The following LHPP variants were observed in gnomAD, a reference collection of about 807,000 sequenced individuals.
LHPP encodes the protein phospholysine phosphohistidine inorganic pyrophosphate phosphatase, also known as hLHPP.
LHPP carries 24 observed loss-of-function variants against 30.3 expected under a neutral mutation model. That is an observed-to-expected ratio of 0.79 (90% CI 0.57 to 1.11). The LOEUF (loss-of-function observed/expected upper bound fraction) is 1.11, where lower values mean the gene tolerates loss of function less well. Ranked by LOEUF, LHPP falls within the 50% of genes most tolerant of loss-of-function variation. The probability of loss-of-function intolerance (pLI) is 0.00; values close to 1 mark genes in which losing one functional copy is unlikely to be tolerated. For missense variants in LHPP, 356 were observed against 367.2 expected, an observed-to-expected ratio of 0.97 and a Z score of 0.25; for synonymous variants, 150 against 157.1, an observed-to-expected ratio of 0.95 and a Z score of 0.34.
At chr10:124,536,819 G>A (rs1955040227) in intron 6 of LHPP, among the ~76,000 whole-genome samples, 1 of 152,178 alleles carries the variant, frequency 6.6e-6, no homozygotes, top group Non-Finnish European at 1.5e-5. Flanking sequence ...ACAGATCGGG[G>A]AGGATTGGCT....
rs997471589 is a variant in LHPP at position 124,596,986 on chromosome 10, G to A, written c.717-16278G>A. On this transcript the variant is annotated intron_variant, in intron 6 of 6. Coordinates refer to ENST00000368842, the MANE Select transcript of LHPP (RefSeq NM_022126.4). This position sits in a 1 kb window ranked among gnomAD's most constrained non-coding sequence, Gnocchi z 4.6. Reference sequence around the variant, plus strand: ...CATCTCATCGGCTGTCCTTGTGGCTGGAACAAAGCAGATGGAGGAAGGTGG... The same window carrying A: ...CATCTCATCGGCTGTCCTTGTGGCTAGAACAAAGCAGATGGAGGAAGGTGG... 6.6e-6 allele frequency among the ~76,000 whole-genome samples: 1 copy of A among 152,224 alleles called. No homozygotes were observed. The highest frequency in any genetic ancestry group is 2.4e-5 in the African/African-American group (1 of 41,460).
At chr10:124,493,394 G>T (rs1228657600) in intron 3 of LHPP, among the ~76,000 whole-genome samples, 1 of 152,322 alleles carries the variant, frequency 6.6e-6, no homozygotes, top group South Asian at 2.1e-4. Flanking sequence ...GGACACAGGG[G>T]CACAGGCTGA....
intron 6 of LHPP, among the ~76,000 whole-genome samples, chr10:124,527,920 C>G (rs11599890): frequency 0.12 from 17,735 of 152,054 alleles, 1,427 homozygotes; most frequent in Non-Finnish European, 0.16. Flanking sequence ...AGCTGGGAAA[C>G]AGGTTTATGC....
intron 1 of LHPP, among the ~76,000 whole-genome samples, chr10:124,474,408 G>A (rs1952880328): frequency 6.6e-6 from 1 of 151,976 alleles, no homozygotes; most frequent in South Asian, 2.1e-4. Context: ...CCAAAGTGTT[G>A]GGATTACAAG....
chr10:124,521,367 C>T (rs374305187), intron 6 of LHPP, among the ~76,000 whole-genome samples: 3 of 152,372 alleles, frequency 2.0e-5, no homozygotes, highest in East Asian at 3.9e-4. Context: ...CACCTCAGCA[C>T]GGCCCCATTC....
intron 3 of LHPP, chr10:124,493,977 A>G (rs1953621147): frequency 6.6e-6 from 1 of 152,234 alleles, no homozygotes; most frequent in Non-Finnish European, 1.5e-5. Context: ...AATTCTGGGC[A>G]CTATAAAATC....
At chr10:124,489,514 G>A (rs903081556) in intron 3 of LHPP, among the ~76,000 whole-genome samples, 1 of 152,120 alleles carries the variant, frequency 6.6e-6, no homozygotes, top group African/African-American at 2.4e-5. Context: ...GAGTGCAGCG[G>A]CGTGATCTCG....
chr10:124,519,064 C>T lies in LHPP; in HGVS notation c.716+1793C>T, dbSNP rs370808637. Among the ~76,000 whole-genome samples, 101 of 152,340 alleles carry T rather than the reference C, an allele frequency of 6.6e-4. 1 individual carries two copies. Among genetic ancestry groups the T allele is most frequent in the African/African-American group, 2.3e-3 (97 of 41,572 alleles). ...CCAGGCTCAAGTGATTCTCCTGCCT[C>T]AGCCTCCCGAGTAGCTGGGACTACA... On this transcript the variant is annotated intron_variant, in intron 6 of 6. Coordinates refer to ENST00000368842, the MANE Select transcript of LHPP (RefSeq NM_022126.4).
intron 6 of LHPP, among the ~76,000 whole-genome samples, chr10:124,603,255 C>T (rs1442203294): frequency 1.3e-5 from 2 of 152,184 alleles, no homozygotes; most frequent in African/African-American, 2.4e-5. Flanking sequence ...AGGCCCAGCC[C>T]GGGTGCACAG....
chr10:124,607,381 G>A (rs1014819720), intron 6 of LHPP, among the ~76,000 whole-genome samples: 2 of 152,372 alleles, frequency 1.3e-5, no homozygotes, highest in South Asian at 2.1e-4. Context: ...GCAGCGTCAC[G>A]TAATTAAGAC....
intron 6 of LHPP, among the ~76,000 whole-genome samples, chr10:124,612,670 T>G (rs1473122218): frequency 6.6e-6 from 1 of 152,236 alleles, no homozygotes; most frequent in Non-Finnish European, 1.5e-5. Flanking sequence ...GAGAGGTTGC[T>G]GCCCCCAGAA....
At chr10:124,466,520 A>C (rs1304827075) in intron 1 of LHPP, among the ~76,000 whole-genome samples, 1 of 152,042 alleles carries the variant, frequency 6.6e-6, no homozygotes, top group Admixed American at 6.6e-5. Context: ...GCAGTGGTGC[A>C]ATTTTGGCTT....
chr10:124,541,269 C>T lies in LHPP; in HGVS notation c.716+23998C>T, dbSNP rs1389852495. On this transcript the variant is annotated intron_variant, in intron 6 of 6. Transcript: ENST00000368842. This position sits in a 1 kb window ranked among gnomAD's most constrained non-coding sequence, Gnocchi z 4.2. ...CAGCCGACACGACCAGCCTGCAGTA[C>T]CAGGATAGACAATTTGGGCTGGAGC... Among the ~76,000 whole-genome samples the T allele has an allele frequency of 1.3e-5, 2 of 152,164 alleles. No individual in the cohort carries two copies. Among genetic ancestry groups the T allele is most frequent in the Non-Finnish European group, 2.9e-5 (2 of 68,024 alleles).
rs1955177843 is a variant in LHPP at position 124,541,172 on chromosome 10, C to T, written c.716+23901C>T. On this transcript the variant is annotated intron_variant, in intron 6 of 6. Transcript: ENST00000368842. The surrounding 1 kb of genome is among the most constrained non-coding windows in gnomAD (Gnocchi z 4.2). ...CTGGAGTGCGATGTATTCTGAGCCA[C>T]CCAGAATGGTGAGTCACCAAGAGGC... is the stretch of plus-strand genomic sequence containing the variant. Among the ~76,000 whole-genome samples the T allele has an allele frequency of 1.3e-5, 2 of 152,274 alleles. No homozygotes were observed. Among genetic ancestry groups the T allele is most frequent in the South Asian group, 4.1e-4 (2 of 4,828 alleles).
chr10:124,520,256 C>T (rs1278977205), intron 6 of LHPP, among the ~76,000 whole-genome samples: 1 of 151,894 alleles, frequency 6.6e-6, no homozygotes, highest in Admixed American at 6.6e-5. Flanking sequence ...AACCTAGTAC[C>T]CATTAGTTAT....
intron 6 of LHPP, among the ~76,000 whole-genome samples, chr10:124,586,370 C>T (rs987973759): frequency 1.1e-4 from 16 of 152,190 alleles, no homozygotes; most frequent in Admixed American, 9.2e-4. Flanking sequence ...GTTCCCTAGT[C>T]CTCTTCCTTC....
intron 6 of LHPP, among the ~76,000 whole-genome samples, chr10:124,570,872 G>A (rs1178733129): frequency 6.6e-6 from 1 of 152,198 alleles, no homozygotes; most frequent in African/African-American, 2.4e-5. Context: ...GTTATCAGCT[G>A]ATGGACATTT....
chr10:124,508,117 G>T (rs1954203769), intron 5 of LHPP, among the ~76,000 whole-genome samples: 1 of 152,016 alleles, frequency 6.6e-6, no homozygotes, highest in Non-Finnish European at 1.5e-5. Flanking sequence ...TACCCCTAGG[G>T]GGAGGCTGGT....
At chr10:124,480,844 A>G (rs1953101613) in intron 1 of LHPP, among the ~76,000 whole-genome samples, 1 of 152,216 alleles carries the variant, frequency 6.6e-6, no homozygotes, top group Admixed American at 6.5e-5. Flanking sequence ...TGGTCAGCAG[A>G]TCTACAGATT....
Sources: allele counts gnomAD v4.1 joint callset (sites outside exome capture counted in the v4.1 genomes callset), GRCh38; gene constraint gnomAD v4.1.1; non-coding constraint Gnocchi (gnomAD v3.1); transcripts MANE v1.5; gene names NCBI Gene and HGNC (gene_info 2026-07-23, HGNC 2026-07-21).